Variants in OSBPL5 observed in about 807,000 individuals in gnomAD.
OSBPL5 encodes the protein oxysterol-binding protein-related protein 5.
OSBPL5 carries 71 observed loss-of-function variants against 111.2 expected under a neutral mutation model. The ratio of observed to expected loss-of-function variants is 0.64; its 90% CI spans 0.53 to 0.78. The LOEUF is 0.78. Among genes scored for constraint, OSBPL5 ranks in the 30% least tolerant of loss-of-function variants. The probability of loss-of-function intolerance (pLI) is 0.00; values close to 1 mark genes in which losing one functional copy is unlikely to be tolerated. For missense variants in OSBPL5, 1,210 were observed against 1,189.3 expected (o/e 1.02, Z -0.26); for synonymous variants, 549 against 513.9 (o/e 1.07, Z -0.93).
intron 17 of OSBPL5, chr11:3,093,287 G>GAT: frequency 1.3e-6 from 1 of 758,734 alleles, no homozygotes; most frequent in Non-Finnish European, 2.1e-6. Flanking sequence ...GCACCTGTTG[G>GAT]TCACTCGCCG....
intron 6 of OSBPL5, among the ~76,000 whole-genome samples, 173 bp downstream of exon 6, chr11:3,120,248 C>G (rs1018603339): frequency 6.6e-6 from 1 of 152,178 alleles, no homozygotes; most frequent in Admixed American, 6.5e-5. Flanking sequence ...CATGGAGCAC[C>G]AGTGGCCATA....
intron 14 of OSBPL5, among the ~76,000 whole-genome samples, chr11:3,095,465 G>GCA (rs1166804185): frequency 6.6e-6 from 1 of 152,182 alleles, no homozygotes; most frequent in East Asian, 1.9e-4. Context: ...TGTCCTAGGT[G>GCA]CACACATGGT....
chr11:3,111,967 GTGCATATGTGTGCGCGCA>G (rs1490606293), intron 7 of OSBPL5, among the ~76,000 whole-genome samples: 129 of 121,816 alleles, frequency 1.1e-3, no homozygotes, highest in Non-Finnish European at 2.0e-3. Flanking sequence ...GTGTGTGTGT[GTGCATATGTGTGCGCGCA>G]TGTGTGTGCA....
At chr11:3,103,879 T>TGC (rs1564830841) in intron 10 of OSBPL5, among the ~76,000 whole-genome samples, 388 of 19,914 alleles carry the variant, frequency 0.019, 11 homozygotes, top group African/African-American at 0.043. Flanking sequence ...TTCCTGCCTC[T>TGC]GTAGCCCCAT....
At chr11:3,123,021 C>G (rs1590683716) in intron 3 of OSBPL5, among the ~76,000 whole-genome samples, 1 of 152,222 alleles carries the variant, frequency 6.6e-6, no homozygotes, top group African/African-American at 2.4e-5. Flanking sequence ...CAGCTCTGGG[C>G]AGGGCCAATG....
chr11:3,161,890 C>G lies in OSBPL5; in HGVS notation c.-22+3326G>C, dbSNP rs531811820. On this transcript the variant is annotated intron_variant, in intron 1 of 21. Transcript: ENST00000263650. The surrounding 1 kb of genome is among the most constrained non-coding windows in gnomAD (Gnocchi z 8.0). ...ACCAAATGCAGATCCAAGGAGGGGC[C>G]GAAAGCAGAGGCACAGGCAGTGCAA... is the stretch of plus-strand genomic sequence containing the variant. Among the ~76,000 whole-genome samples the G allele has an allele frequency of 3.1e-4, 47 of 151,580 alleles. No homozygotes were observed. The highest frequency in any genetic ancestry group is 5.4e-4 in the Non-Finnish European group (37 of 67,974).
chr11:3,122,113 C>T lies in OSBPL5; in HGVS notation c.301-15G>A. 1.3e-6 allele frequency: 2 copies of T among 1,549,586 alleles called. No homozygotes were observed. Among genetic ancestry groups the T allele is most frequent in the African/African-American group, 2.7e-5 (2 of 73,766 alleles). On this transcript the variant is annotated splice_polypyrimidine_tract_variant and intron_variant, in intron 4 of 21. Coordinates refer to ENST00000263650, the MANE Select transcript of OSBPL5 (RefSeq NM_020896.4). ...TCCTTCTGCGCCTGGGCCCGGGGCA[C>T]CCGCGGTGGGTCATGGGAGAAGGCA... is the stretch of plus-strand genomic sequence containing the variant.
chr11:3,092,432 C>A lies in OSBPL5; in HGVS notation c.2259G>T (p.Glu753Asp). 1 of 1,577,494 alleles carries A rather than the reference C, an allele frequency of 6.3e-7. No homozygotes were observed. Among genetic ancestry groups the A allele is most frequent in the East Asian group, 2.3e-5 (1 of 42,974 alleles). The stretch of plus-strand genomic sequence containing the variant: ...TGGGTGGGGCCTGTGGGGTGCTGAC[C>A]TCGTGCCTGGGCCCTGGGCTGCCCA... ...TFLGSPGPRH[E>D]RSGPDQRLRK... Residue 753 changes from glutamate to aspartate, a missense_variant and splice_region_variant, in exon 19 of 22, where the codon GAG (glutamate) becomes GAT (aspartate). By Grantham distance (45) the Glu-to-Asp change is conservative. Coordinates refer to ENST00000263650, the MANE Select transcript of OSBPL5 (RefSeq NM_020896.4). This position sits in a 1 kb window ranked among gnomAD's most constrained non-coding sequence, Gnocchi z 5.4.
intron 3 of OSBPL5, among the ~76,000 whole-genome samples, chr11:3,123,185 C>T (rs1439565565): frequency 2.0e-5 from 3 of 152,118 alleles, no homozygotes; most frequent in Non-Finnish European, 4.4e-5. Context: ...AAGGGGGCCA[C>T]GGTTCTTCTA....
chr11:3,138,807 G>C (rs4262707), intron 1 of OSBPL5, among the ~76,000 whole-genome samples: 1 of 152,246 alleles, frequency 6.6e-6, no homozygotes, highest in Non-Finnish European at 1.5e-5. Context: ...CAGCTGGGCT[G>C]TGGCCGCCTA....
rs749483719 is a variant in OSBPL5, at chr11:3,090,546, A to G, written c.2398+12T>C. The G allele has an allele frequency of 6.2e-7, 1 of 1,611,522 alleles. No homozygotes were observed. ...AGACAGAGGCCTTGGGGCTGGGCCC[A>G]AGGGGGCTCACCAGGGACAAAGTCA... On this transcript the variant is annotated intron_variant, in intron 20 of 21. Coordinates refer to ENST00000263650, the MANE Select transcript of OSBPL5 (RefSeq NM_020896.4).
At chr11:3,118,831 AG>A (rs1858300680) in intron 7 of OSBPL5, among the ~76,000 whole-genome samples, 2 of 151,994 alleles carry the variant, frequency 1.3e-5, no homozygotes, top group Non-Finnish European at 2.9e-5. Context: ...AGCCTCCCAA[AG>A]TGCTGGGATT....
chr11:3,112,085 GCA>G (rs1316736519), intron 7 of OSBPL5, among the ~76,000 whole-genome samples: 12 of 137,742 alleles, frequency 8.7e-5, no homozygotes, highest in South Asian at 2.3e-4. Flanking sequence ...ATGTGTGTGT[GCA>G]TGTGTGTGTG....
intron 1 of OSBPL5, among the ~76,000 whole-genome samples, chr11:3,137,733 T>C (rs1385213639): frequency 3.9e-5 from 6 of 152,174 alleles, no homozygotes; most frequent in Non-Finnish European, 8.8e-5. Context: ...TGCTTGAGCC[T>C]GGGAGGTCGA....
chr11:3,143,533 A>G (rs1281982268), intron 1 of OSBPL5, among the ~76,000 whole-genome samples: 1 of 152,240 alleles, frequency 6.6e-6, no homozygotes, highest in African/African-American at 2.4e-5. Flanking sequence ...GGAGGCAGGA[A>G]GCACGGCACT....
At chr11:3,131,004 C>T (rs913964075) in intron 1 of OSBPL5, among the ~76,000 whole-genome samples, 1 of 152,100 alleles carries the variant, frequency 6.6e-6, no homozygotes, top group Non-Finnish European at 1.5e-5. Flanking sequence ...CACAGAGAGC[C>T]CCGGAATGTC....
intron 7 of OSBPL5, among the ~76,000 whole-genome samples, 162 bp from the exon 8 acceptor site, chr11:3,108,107 C>T (rs1399398037): frequency 6.6e-6 from 1 of 152,166 alleles, no homozygotes; most frequent in African/African-American, 2.4e-5. Flanking sequence ...CATGCCCTCC[C>T]TTCCTGCCCC....
At chr11:3,160,672 T>TCCCCCCCCCCCCCCCC (rs71035491) in intron 1 of OSBPL5, among the ~76,000 whole-genome samples, 75 of 122,468 alleles carry the variant, frequency 6.1e-4, no homozygotes, top group South Asian at 9.7e-4. Flanking sequence ...ATGACAACCC[T>TCCCCCCCCCCCCCCCC]CCCCCCCCCC....
intron 1 of OSBPL5, among the ~76,000 whole-genome samples, chr11:3,135,369 G>A (rs545487040): frequency 6.6e-5 from 10 of 152,324 alleles, no homozygotes; most frequent in Middle Eastern, 6.8e-3. Context: ...CTTGAGAGAC[G>A]CTGGAGCTGC....
Sources: gnomAD v4.1 joint callset for allele counts (sites outside exome capture counted in the v4.1 genomes callset) on GRCh38, gnomAD v4.1.1 for gene constraint, Gnocchi (gnomAD v3.1) non-coding constraint, MANE v1.5 for transcripts, NCBI Gene and HGNC (gene_info 2026-07-23, HGNC 2026-07-21) for gene names.